The following TCF4 variants were observed in gnomAD, a reference collection of about 807,000 sequenced individuals.
The protein encoded by TCF4 is SL3-3 enhancer factor 2.
In TCF4, 3 loss-of-function variants were observed where a neutral mutation model predicts 82.1. That is an observed-to-expected ratio of 0.04 (90% CI 0.02 to 0.09). The LOEUF (loss-of-function observed/expected upper bound fraction) is 0.09. Among genes scored for constraint, TCF4 ranks in the 10% least tolerant of loss-of-function variants. TCF4 has a pLI of 1.00. For missense variants in TCF4, 518 were observed against 852.7 expected (o/e 0.61, Z 4.89); for synonymous variants, 276 against 309.6 (o/e 0.89, Z 1.14).
chr18:55,571,638 C>T (rs2097469210), intron 3 of TCF4, among the ~76,000 whole-genome samples: 1 of 151,886 alleles, frequency 6.6e-6, no homozygotes, highest in Admixed American at 6.6e-5. Flanking sequence ...TTGAAGCATG[C>T]AGTAGCAGCC....
Position 55,294,656 on chromosome 18 carries a change from C to A in TCF4, c.550-15000G>T, listed in dbSNP as rs1209569957. 2.0e-5 allele frequency among the ~76,000 whole-genome samples: 3 copies of A among 152,202 alleles called. No individual in the cohort carries two copies. The East Asian group carries it at 5.8e-4, about 29-fold the overall frequency. On this transcript the variant is annotated intron_variant, in intron 8 of 19. Transcript: ENST00000354452. ...CCCAGATGTGAAAGGTATCACGCTG[C>A]AATTCCACAGTTGTCCAGCACTGGG...
intron 3 of TCF4, among the ~76,000 whole-genome samples, chr18:55,578,041 T>A (rs147356994): frequency 4.6e-4 from 70 of 152,174 alleles, no homozygotes; most frequent in Middle Eastern, 3.4e-3. Context: ...AGCCAAATGG[T>A]TTATGAACAG....
chr18:55,358,667 G>A (rs1249975439), intron 6 of TCF4, among the ~76,000 whole-genome samples: 1 of 152,228 alleles, frequency 6.6e-6, no homozygotes, highest in East Asian at 1.9e-4. Flanking sequence ...GCTATCTTCT[G>A]TAAACTTGTT....
intron 8 of TCF4, among the ~76,000 whole-genome samples, chr18:55,333,507 G>A (rs1003969094): frequency 2.6e-5 from 4 of 151,022 alleles, no homozygotes; most frequent in Non-Finnish European, 4.4e-5. Flanking sequence ...ACTCACCTCC[G>A]CATTCCCCAA....
At chr18:55,398,611 G>A (rs1042922157) in intron 6 of TCF4, among the ~76,000 whole-genome samples, 2 of 152,246 alleles carry the variant, frequency 1.3e-5, no homozygotes, top group African/African-American at 2.4e-5. Flanking sequence ...AGCTTCCAAA[G>A]GACTTTTTTG....
intron 5 of TCF4, among the ~76,000 whole-genome samples, chr18:55,448,820 T>G (rs2095570896): frequency 2.0e-5 from 3 of 152,204 alleles, no homozygotes. Flanking sequence ...ACTCTTAAAC[T>G]AGTATCAGCT....
chr18:55,504,054 C>T (rs1160744429), intron 3 of TCF4, among the ~76,000 whole-genome samples: 4 of 152,134 alleles, frequency 2.6e-5, no homozygotes, highest in East Asian at 3.8e-4. Flanking sequence ...GGGCAACAGA[C>T]TCTGTCTCAA....
chr18:55,627,307 A>C lies in TCF4; in HGVS notation c.286+3991T>G, dbSNP rs540329814. Among the ~76,000 whole-genome samples, 60 of 152,300 alleles carry C rather than the reference A, an allele frequency of 3.9e-4. 1 individual carries two copies. Among genetic ancestry groups the C allele is most frequent in the African/African-American group, 1.4e-3 (57 of 41,552 alleles). ...TATTGTGTGGAGTGATAGAGAGAAA[A>C]GCCATAGAATTCCTGGGAATGCAGG... On this transcript the variant is annotated intron_variant, in intron 2 of 20. Coordinates refer to the TCF4 transcript ENST00000398339.
chr18:55,512,718 T>C (rs2096840440), intron 3 of TCF4, among the ~76,000 whole-genome samples: 1 of 152,110 alleles, frequency 6.6e-6, no homozygotes. Flanking sequence ...ATATTGAAAC[T>C]GTATGATGGT....
At chr18:55,535,262 C>T (rs2097104848) in intron 3 of TCF4, among the ~76,000 whole-genome samples, 1 of 152,160 alleles carries the variant, frequency 6.6e-6, no homozygotes, top group African/African-American at 2.4e-5. Flanking sequence ...CATGAGTTAG[C>T]AAACTCTTAG....
At chr18:55,480,921 T>C (rs1257828261) in intron 3 of TCF4, among the ~76,000 whole-genome samples, 2 of 151,958 alleles carry the variant, frequency 1.3e-5, no homozygotes, top group Non-Finnish European at 2.9e-5. Context: ...CTAGGCAATA[T>C]GGTAAAACTC....
intron 2 of TCF4, among the ~76,000 whole-genome samples, chr18:55,615,157 ATAGAT>A (rs1437280282): frequency 1.3e-5 from 2 of 152,094 alleles, no homozygotes; most frequent in Non-Finnish European, 2.9e-5. Flanking sequence ...TGTTGAATCT[ATAGAT>A]TAATTTGGGG....
At chr18:55,461,509 C>G (rs890253609) in intron 4 of TCF4, among the ~76,000 whole-genome samples, 2 of 152,134 alleles carry the variant, frequency 1.3e-5, no homozygotes, top group Admixed American at 6.6e-5. Context: ...TTAGGCATAG[C>G]ATGCAATGAA....
intron 8 of TCF4, chr18:55,322,301 A>C (rs1018614219): frequency 3.9e-5 from 41 of 1,043,424 alleles, no homozygotes; most frequent in Non-Finnish European, 4.5e-5. Context: ...GAGTGGCAGG[A>C]AGGGAATCGT....
chr18:55,518,656 T>A (rs1055693333), intron 3 of TCF4, among the ~76,000 whole-genome samples: 6 of 152,148 alleles, frequency 3.9e-5, no homozygotes, highest in African/African-American at 1.4e-4. Flanking sequence ...CAAGGATGAA[T>A]AACCCAGAAA....
At chr18:55,279,154 A>ATT (rs1200945486) in intron 9 of TCF4, among the ~76,000 whole-genome samples, 3 of 152,134 alleles carry the variant, frequency 2.0e-5, no homozygotes, top group Non-Finnish European at 4.4e-5. Flanking sequence ...AAGGTTATAC[A>ATT]TTAGGCCAAC....
At chr18:55,423,350 C>G (rs2094845240) in intron 5 of TCF4, among the ~76,000 whole-genome samples, 1 of 151,684 alleles carries the variant, frequency 6.6e-6, no homozygotes, top group African/African-American at 2.4e-5. Context: ...CCGTGGTTCA[C>G]GAACTATTCA....
At chr18:55,359,090 T>C (rs1401465343) in intron 6 of TCF4, among the ~76,000 whole-genome samples, 2 of 152,176 alleles carry the variant, frequency 1.3e-5, no homozygotes, top group African/African-American at 2.4e-5. Flanking sequence ...ATAGATTATA[T>C]ATATTTCTAA....
intron 5 of TCF4, among the ~76,000 whole-genome samples, chr18:55,417,714 G>A (rs2094570468): frequency 6.6e-6 from 1 of 152,012 alleles, no homozygotes. Context: ...TTGTCATTAG[G>A]GACAACGTAA....
Sources: gnomAD v4.1 joint callset for allele counts (sites outside exome capture counted in the v4.1 genomes callset) on GRCh38, gnomAD v4.1.1 for gene constraint, MANE v1.5 for transcripts, NCBI Gene and HGNC (gene_info 2026-07-23, HGNC 2026-07-21) for gene names.